Variants in TAF4 observed in about 807,000 individuals in gnomAD.
The protein encoded by TAF4 is transcription initiation factor TFIID subunit 4.
Under a neutral mutation model 90.3 loss-of-function variants are expected in TAF4, and 9 were observed. The observed-to-expected ratio is 0.10, with a 90% CI of 0.06 to 0.17. TAF4 has a LOEUF of 0.17. TAF4 is among the 10% of genes least tolerant of loss of function. The pLI is 1.00. For missense variants in TAF4, 1,351 were observed against 1,370.7 expected (o/e 0.99, Z 0.23); for synonymous variants, 818 against 638.9 (o/e 1.28, Z -4.23).
Position 62,065,109 on chromosome 20 carries a change from G to C in TAF4, c.702C>G (p.Pro234=). Residue 234 remains proline, a synonymous_variant, in exon 1 of 15, where the codon CCC becomes CCG. Coordinates refer to ENST00000252996, the MANE Select transcript of TAF4 (RefSeq NM_003185.4). ...ALLPLPKPAA[P]GTVIQTPPFV... The stretch of plus-strand genomic sequence containing the variant: ...AGGGGGGCGTCTGGATGACAGTGCC[G>C]GGGGCGGCGGGCTTGGGCAGCGGCA... 2 of 1,114,756 alleles carry C rather than the reference G, an allele frequency of 1.8e-6. No homozygotes were observed. The highest frequency in any genetic ancestry group is 2.2e-6 in the Non-Finnish European group (2 of 897,390). 69.1% of individuals were successfully genotyped at this position (1,114,756 alleles called of 1,614,324 possible).
At chr20:62,062,477 G>C (rs1296428966) in intron 1 of TAF4, among the ~76,000 whole-genome samples, 1 of 152,006 alleles carries the variant, frequency 6.6e-6, no homozygotes, top group Non-Finnish European at 1.5e-5. Context: ...AACTGCAGGA[G>C]GCCATGAAGA....
In TAF4 at chr20:62,029,384, G is replaced by A. The variant is rs543241872; in HGVS notation, c.1361-14677C>T. Among the ~76,000 whole-genome samples the A allele has an allele frequency of 6.6e-5, 10 of 152,208 alleles. No individual in the cohort carries two copies. The South Asian group carries it at 2.1e-3, about 32-fold the overall frequency. On this transcript the variant is annotated intron_variant, in intron 1 of 14. Coordinates refer to ENST00000252996, the MANE Select transcript of TAF4 (RefSeq NM_003185.4). ...GGGCGGTGGGCAAGTGGAGTAACAA[G>A]GTAAACAGTGGGACTCCTGGTAAAC...
At chr20:62,001,418 C>T (rs546496049) in intron 9 of TAF4, among the ~76,000 whole-genome samples, 1 of 152,242 alleles carries the variant, frequency 6.6e-6, no homozygotes. Context: ...CACAGGCCAG[C>T]TGTGTGCAGG....
At chr20:62,000,861 T>C (rs932306440) in intron 9 of TAF4, 140 bp from the exon 10 acceptor site, 1 of 794,344 alleles carries the variant, frequency 1.3e-6, no homozygotes, top group Admixed American at 2.6e-5. Flanking sequence ...CACCTGCACC[T>C]GCTGCATCTG....
At chr20:62,037,411 A>C (rs1358904760) in intron 1 of TAF4, 3 of 152,420 alleles carry the variant, frequency 2.0e-5, no homozygotes, top group African/African-American at 7.2e-5. Flanking sequence ...TTTTAATTGC[A>C]TTTATTGTAT....
Position 61,999,103 on chromosome 20 carries a change from G to A in TAF4, c.2793C>T (p.Asp931=), listed in dbSNP as rs773757729. ...CGTCACTCGCCTGCTCATATCTGTC[G>A]TCATCCTATGAAGAAAGTTAAAATA... ...AQQKNFSYKD[D]DRYEQASDVR... Residue 931 remains aspartate, a synonymous_variant, in exon 12 of 15, where the codon GAC becomes GAT. Coordinates refer to ENST00000252996, the MANE Select transcript of TAF4 (RefSeq NM_003185.4). 8.7e-6 allele frequency: 14 copies of A among 1,613,832 alleles called. No homozygotes were observed. The highest frequency in any genetic ancestry group is 6.7e-5 in the East Asian group (3 of 44,890).
At chr20:62,051,054 GGA>G (rs2056024421) in intron 1 of TAF4, among the ~76,000 whole-genome samples, 1 of 152,192 alleles carries the variant, frequency 6.6e-6, no homozygotes, top group Non-Finnish European at 1.5e-5. Context: ...AAAGTTACAA[GGA>G]GGTTCAGAAA....
intron 9 of TAF4, 28 bp from the exon 10 acceptor site, chr20:62,000,749 A>T: frequency 1.2e-6 from 2 of 1,613,406 alleles, no homozygotes; most frequent in Non-Finnish European, 1.7e-6. Context: ...AGATCACTTT[A>T]ACTGTACAAG....
chr20:61,982,145 GAA>G, intron 14 of TAF4, among the ~76,000 whole-genome samples: 1 of 87,128 alleles, frequency 1.1e-5, no homozygotes, highest in East Asian at 6.5e-4. Flanking sequence ...ACCCACCCTA[GAA>G]GAGACACCAA....
At chr20:62,022,180 T>C (rs989731797) in intron 1 of TAF4, among the ~76,000 whole-genome samples, 6 of 152,100 alleles carry the variant, frequency 3.9e-5, no homozygotes, top group Non-Finnish European at 8.8e-5. Flanking sequence ...AGGAGGTGGG[T>C]GGGCCTGCGA....
At chr20:62,009,200 T>C (rs771156996) in intron 4 of TAF4, 26 bp from the exon 5 acceptor site, 1 of 1,584,176 alleles carries the variant, frequency 6.3e-7, no homozygotes, top group Non-Finnish European at 8.6e-7. Flanking sequence ...AAGATATAAG[T>C]GAAAAATCTT....
chr20:62,015,584 A>G (rs910089225), intron 1 of TAF4, among the ~76,000 whole-genome samples: 1 of 152,124 alleles, frequency 6.6e-6, no homozygotes, highest in Admixed American at 6.5e-5. Flanking sequence ...ACGTGCAATG[A>G]GGCACCGCCA....
In TAF4 at chr20:62,000,727, G is replaced by A; in HGVS notation, c.2487-6C>T. ...CATTAATGTCATCATCGTCCCTTGA[G>A]GAAAGAAGGGAAGATCACTTTAACT... On this transcript the variant is annotated splice_polypyrimidine_tract_variant and splice_region_variant and intron_variant, in intron 9 of 14. Transcript: ENST00000252996. 1.2e-6 allele frequency: 2 copies of A among 1,614,026 alleles called. No homozygotes were observed. The highest frequency in any genetic ancestry group is 1.7e-6 in the Non-Finnish European group (2 of 1,179,892).
At chr20:61,983,131 C>T (rs553241664) in intron 14 of TAF4, among the ~76,000 whole-genome samples, 1 of 152,248 alleles carries the variant, frequency 6.6e-6, no homozygotes, top group South Asian at 2.1e-4. Context: ...GAAGAAGCCA[C>T]TAGGGCTCAC....
intron 14 of TAF4, among the ~76,000 whole-genome samples, chr20:61,987,263 G>A (rs532914652): frequency 5.3e-5 from 8 of 152,108 alleles, no homozygotes; most frequent in East Asian, 1.9e-4. Flanking sequence ...TCTCCAGCAC[G>A]TCAAGGCCAT....
Position 62,006,355 on chromosome 20 carries a change from A to G in TAF4, c.2223+155T>C, listed in dbSNP as rs2055745000. 1.9e-6 allele frequency: 2 copies of G among 1,046,228 alleles called. No homozygotes were observed. The highest frequency in any genetic ancestry group is 2.5e-6 in the Non-Finnish European group (2 of 810,914). 64.8% of individuals were successfully genotyped at this position (1,046,228 alleles called of 1,614,324 possible). On this transcript the variant is annotated intron_variant, in intron 7 of 14. Coordinates refer to ENST00000252996, the MANE Select transcript of TAF4 (RefSeq NM_003185.4). This position sits in a 1 kb window ranked among gnomAD's most constrained non-coding sequence, Gnocchi z 7.0. ...CCCAGGGCCTCAACCTCTGGTTTCTATTTTAACTATTTAAGGTAATACCCA... is the reference window on the plus strand; with the variant it reads ...CCCAGGGCCTCAACCTCTGGTTTCTGTTTTAACTATTTAAGGTAATACCCA...
At chr20:62,039,886 A>T (rs1383379990) in intron 1 of TAF4, among the ~76,000 whole-genome samples, 1 of 152,260 alleles carries the variant, frequency 6.6e-6, no homozygotes, top group African/African-American at 2.4e-5. Flanking sequence ...TGAGCAAATA[A>T]GCTGGTGGAA....
intron 1 of TAF4, among the ~76,000 whole-genome samples, chr20:62,029,478 G>A (rs554831083): frequency 7.3e-5 from 8 of 109,358 alleles, no homozygotes; most frequent in South Asian, 2.8e-4. Flanking sequence ...GCCCACGTGC[G>A]CGCGCGCGCA....
chr20:61,996,627 C>T (rs1326796769), intron 14 of TAF4, among the ~76,000 whole-genome samples: 2 of 151,644 alleles, frequency 1.3e-5, no homozygotes, highest in Non-Finnish European at 2.9e-5. Flanking sequence ...GGTGAAACCC[C>T]GTCTCTCCTA....
Sources: gnomAD v4.1 joint callset for allele counts (sites outside exome capture counted in the v4.1 genomes callset) on GRCh38, gnomAD v4.1.1 for gene constraint, Gnocchi (gnomAD v3.1) non-coding constraint, MANE v1.5 for transcripts, NCBI Gene and HGNC (gene_info 2026-07-23, HGNC 2026-07-21) for gene names.